Variants in CA10 observed in about 807,000 individuals in gnomAD.
CA10 encodes the protein carbonic anhydrase 10 (inactive).
In CA10, 14 loss-of-function variants were observed where a neutral mutation model predicts 44.2. The ratio of observed to expected loss-of-function variants is 0.32; its 90% CI spans 0.21 to 0.50. The LOEUF (loss-of-function observed/expected upper bound fraction) is 0.50, where lower values mean the gene tolerates loss of function less well. Ranked by LOEUF, CA10 falls within the 20% of genes least tolerant of loss-of-function variation. The pLI, the probability that CA10 is intolerant of heterozygous loss-of-function variation, is 0.99. For synonymous variants in CA10, 159 were observed against 141.6 expected (o/e 1.12, Z -0.87); for missense variants, 350 against 409.7 (o/e 0.85, Z 1.26).
At chr17:51,730,955 T>C (rs1381011321) in intron 4 of CA10, among the ~76,000 whole-genome samples, 1 of 151,610 alleles carries the variant, frequency 6.6e-6, no homozygotes, top group Non-Finnish European at 1.5e-5. Context: ...AAAGGACCGA[T>C]ACTAAATAGA....
At chr17:52,072,539 CTTTTT>C in intron 1 of CA10, 146 bp from the exon 2 acceptor site, 1 of 380,028 alleles carries the variant, frequency 2.6e-6, no homozygotes, top group Non-Finnish European at 4.8e-6. Context: ...TCTCCCTTCC[CTTTTT>C]TTTTTCAAAT....
chr17:51,726,425 C>T (rs907367723), intron 4 of CA10, among the ~76,000 whole-genome samples: 2 of 152,144 alleles, frequency 1.3e-5, no homozygotes, highest in African/African-American at 2.4e-5. Flanking sequence ...AGTTGCTGAG[C>T]GAGTAGATTT....
rs149773031 is a variant in CA10, at chr17:52,149,402, G to A, written c.61+8324C>T. Among the ~76,000 whole-genome samples, 203 of 152,248 alleles carry A rather than the reference G, an allele frequency of 1.3e-3. 1 individual carries two copies. Among genetic ancestry groups the A allele is most frequent in the African/African-American group, 4.7e-3 (197 of 41,542 alleles). ...ATAATCTCTCCACTGCCATCCTGAT[G>A]GCCCAGTAATGCAAATGTAATCAAA... On this transcript the variant is annotated intron_variant, in intron 1 of 8. Transcript: ENST00000451037.
At chr17:51,666,685 C>T (rs191480797) in intron 4 of CA10, among the ~76,000 whole-genome samples, 196 of 133,810 alleles carry the variant, frequency 1.5e-3, no homozygotes, top group Admixed American at 4.7e-3. Context: ...CAGTACTTGA[C>T]AAGTTAAAAG....
intron 4 of CA10, among the ~76,000 whole-genome samples, chr17:51,677,621 A>G (rs1236792778): frequency 6.6e-6 from 1 of 152,132 alleles, no homozygotes; most frequent in African/African-American, 2.4e-5. Flanking sequence ...CTGATAATTA[A>G]AAAAAACCAA....
chr17:52,035,358 G>GTC (rs10678938), intron 2 of CA10, among the ~76,000 whole-genome samples: 56,870 of 151,856 alleles, frequency 0.37, 12,753 homozygotes, highest in East Asian at 0.74. Context: ...CCTCTCATCC[G>GTC]TCCCCTTTTC....
intron 1 of CA10, among the ~76,000 whole-genome samples, chr17:52,136,500 A>G (rs1240605655): frequency 6.6e-6 from 1 of 152,162 alleles, no homozygotes; most frequent in Non-Finnish European, 1.5e-5. Flanking sequence ...TGTGTAAGAC[A>G]TGGCCCCTAG....
intron 4 of CA10, among the ~76,000 whole-genome samples, chr17:51,703,218 C>T (rs1915656001): frequency 6.6e-6 from 1 of 152,102 alleles, no homozygotes; most frequent in Non-Finnish European, 1.5e-5. Flanking sequence ...ATGTACTGTA[C>T]ATAATAGGTA....
intron 1 of CA10, among the ~76,000 whole-genome samples, chr17:52,121,471 A>G (rs1989013737): frequency 6.6e-6 from 1 of 152,218 alleles, no homozygotes; most frequent in African/African-American, 2.4e-5. Context: ...GTGCTGCAGA[A>G]CAGAGTTGCT....
At chr17:51,870,286 T>C (rs1272263065) in intron 3 of CA10, among the ~76,000 whole-genome samples, 1 of 152,226 alleles carries the variant, frequency 6.6e-6, no homozygotes, top group Non-Finnish European at 1.5e-5. Flanking sequence ...GCCATAGCTT[T>C]ATAGGGCATG....
chr17:51,827,379 C>T (rs575040439), intron 3 of CA10, among the ~76,000 whole-genome samples: 2 of 151,794 alleles, frequency 1.3e-5, no homozygotes, highest in South Asian at 4.2e-4. Context: ...CACACACACA[C>T]AATTAAACTG....
At chr17:51,705,930 T>C (rs1471348556) in intron 4 of CA10, among the ~76,000 whole-genome samples, 2 of 152,108 alleles carry the variant, frequency 1.3e-5, no homozygotes, top group African/African-American at 4.8e-5. Flanking sequence ...GGTTAAGTAG[T>C]TGAAAAAGCC....
chr17:51,724,005 G>T (rs1399925240), intron 4 of CA10, among the ~76,000 whole-genome samples: 1 of 152,160 alleles, frequency 6.6e-6, no homozygotes, highest in Non-Finnish European at 1.5e-5. Context: ...CGGTGCTGCA[G>T]GGCAGATGAA....
chr17:51,652,797 T>G (rs1913624842), intron 5 of CA10, among the ~76,000 whole-genome samples: 2 of 152,214 alleles, frequency 1.3e-5, no homozygotes, highest in African/African-American at 4.8e-5. Context: ...TCCATCAGAT[T>G]CCCAATTCCG....
intron 1 of CA10, among the ~76,000 whole-genome samples, chr17:52,109,774 C>T (rs1321038719): frequency 3.3e-5 from 5 of 152,160 alleles, no homozygotes; most frequent in Non-Finnish European, 5.9e-5. Flanking sequence ...GATCAGTGGT[C>T]CAAAAGATAG....
In CA10 at chr17:52,091,141, T is replaced by C. The variant is rs182861365; in HGVS notation, c.62-18748A>G. Among the ~76,000 whole-genome samples the C allele has an allele frequency of 3.7e-3, 556 of 152,228 alleles. 6 individuals are homozygous for C. Among genetic ancestry groups the C allele is most frequent in the South Asian group, 0.029 (141 of 4,816 alleles). On this transcript the variant is annotated intron_variant, in intron 1 of 8. Coordinates refer to ENST00000451037, the MANE Select transcript of CA10 (RefSeq NM_020178.5). ...ATATAAAAAAGTATATAAAATATGA[T>C]CCTAATTTTGAGAAGGAAAAAATAT...
Position 52,052,305 on chromosome 17 carries a change from A to ATTTTT in CA10, c.136+20013_136+20014insAAAAA, listed in dbSNP as rs1300919091. Among the ~76,000 whole-genome samples the ATTTTT allele has an allele frequency of 2.4e-3, 305 of 127,722 alleles. No individual in the cohort carries two copies. In the South Asian group the frequency reaches 0.025, roughly 11 times the overall value. 83.8% of individuals were successfully genotyped at this position (127,722 alleles called of 152,430 possible). On this transcript the variant is annotated intron_variant, in intron 2 of 8. Coordinates refer to ENST00000451037, the MANE Select transcript of CA10 (RefSeq NM_020178.5). ...CTTAAAAGGCTTTTTTTTTTAAAAAAAAAAAAAAAAAGACAGGCATTCACC... is the reference window on the plus strand; with the variant it reads ...CTTAAAAGGCTTTTTTTTTTAAAAAATTTTTAAAAAAAAAAAGACAGGCATTCACC...
intron 6 of CA10, among the ~76,000 whole-genome samples, chr17:51,644,121 C>T (rs1265742394): frequency 1.3e-5 from 2 of 152,000 alleles, no homozygotes; most frequent in African/African-American, 4.8e-5. Flanking sequence ...AATTTCCTGG[C>T]ATTGATTTTT....
intron 2 of CA10, among the ~76,000 whole-genome samples, chr17:52,018,227 G>T (rs1986029301): frequency 6.6e-6 from 1 of 152,270 alleles, no homozygotes; most frequent in South Asian, 2.1e-4. Context: ...ACACTGCCTA[G>T]TGGAGCTGTA....
Sources: allele counts gnomAD v4.1 joint callset (sites outside exome capture counted in the v4.1 genomes callset), GRCh38; gene constraint gnomAD v4.1.1; transcripts MANE v1.5; gene names NCBI Gene and HGNC (gene_info 2026-07-23, HGNC 2026-07-21).